Variants in TFEB observed in about 807,000 individuals in gnomAD.
TFEB encodes the protein T-cell transcription factor EB.
A neutral mutation model predicts 48.0 loss-of-function variants in TFEB; 12 were observed. That is an observed-to-expected ratio of 0.25 (90% CI 0.16 to 0.40). TFEB has a LOEUF of 0.40. TFEB is among the 10% of genes least tolerant of loss of function. The pLI is 1.00. For synonymous variants in TFEB, 244 were observed against 261.4 expected (o/e 0.93, Z 0.64); for missense variants, 509 against 640.3 (o/e 0.79, Z 2.21).
At chr6:41,685,109 C>T in intron 8 of TFEB, 31 bp from the exon 9 acceptor site, 1 of 1,420,778 alleles carries the variant, frequency 7.0e-7, no homozygotes, top group Non-Finnish European at 9.2e-7. Context: ...GGCTGGGGAA[C>T]ACACCTATGG....
chr6:41,700,626 G>T (rs1014235486), intron 1 of TFEB, among the ~76,000 whole-genome samples: 1 of 152,196 alleles, frequency 6.6e-6, no homozygotes, highest in Non-Finnish European at 1.5e-5. Context: ...GGAATGCGCT[G>T]CGGGAGACTG....
rs1053857033 is a variant in TFEB at position 41,735,588 on chromosome 6, G to A, written c.-261C>T. 1.1e-5 allele frequency: 11 copies of A among 982,972 alleles called. No individual in the cohort carries two copies. In the Admixed American group the frequency reaches 5.6e-4, roughly 50 times the overall value. The allele number at this position is 982,972 out of a possible 1,614,324, so 60.9% of individuals were successfully genotyped here. On this transcript the variant is annotated 5_prime_UTR_variant, in exon 1 of 9. Transcript: ENST00000373033. The stretch of plus-strand genomic sequence containing the variant: ...TCACCGAGCCCCGCGCCCGGCGCCC[G>A]GGCTCCGGCTGTCACTCCACGCACA...
In TFEB at chr6:41,723,461, C is replaced by T; in HGVS notation, c.-23+11889G>A. The T allele has an allele frequency of 7.8e-7, 1 of 1,288,614 alleles. No homozygotes were observed. The highest frequency in any genetic ancestry group is 1.0e-6 in the Non-Finnish European group (1 of 988,000). 79.8% of individuals were successfully genotyped at this position (1,288,614 alleles called of 1,614,324 possible). On this transcript the variant is annotated intron_variant, in intron 1 of 8. Transcript: ENST00000373033. This position sits in a 1 kb window ranked among gnomAD's most constrained non-coding sequence, Gnocchi z 6.0. ...CACATGCACGCGTGTGCTCTCATAC[C>T]TTCGAGAGGGCAGCCCCCTGGAAGG...
chr6:41,693,547 G>C (rs1449898991), intron 1 of TFEB, among the ~76,000 whole-genome samples: 3 of 152,080 alleles, frequency 2.0e-5, no homozygotes, highest in Admixed American at 2.0e-4. Flanking sequence ...CAGGCTGCCT[G>C]GCTGCCAGGC....
At chr6:41,731,427 C>G (rs776305607) in intron 1 of TFEB, among the ~76,000 whole-genome samples, 2 of 152,212 alleles carry the variant, frequency 1.3e-5, no homozygotes, top group Non-Finnish European at 2.9e-5. Context: ...TTAGCTAAAG[C>G]TCAATTCTGC....
Position 41,723,606 on chromosome 6 carries a change from A to G in TFEB, c.-23+11744T>C. 5 of 1,168,360 alleles carry G rather than the reference A, an allele frequency of 4.3e-6. No homozygotes were observed. Among genetic ancestry groups the G allele is most frequent in the Non-Finnish European group, 5.5e-6 (5 of 906,840 alleles). 72.4% of individuals were successfully genotyped at this position (1,168,360 alleles called of 1,614,324 possible). A position where few individuals can be genotyped will look rare whatever the true frequency, so the allele number is the denominator to read the frequency against. ...TGCTGTTTCTCACCCAGCCCCCTGC[A>G]CCTCAGCTGGAGAGGAAGTTGCACA... On this transcript the variant is annotated intron_variant, in intron 1 of 8. Coordinates refer to ENST00000373033, the MANE Select transcript of TFEB (RefSeq NM_001271944.2). This position sits in a 1 kb window ranked among gnomAD's most constrained non-coding sequence, Gnocchi z 6.0.
rs1771595087 is a variant in TFEB at position 41,734,646 on chromosome 6, G to C, written c.-23+704C>G. The stretch of plus-strand genomic sequence containing the variant: ...GCAGACAACGGGGCGCACGGAGGGA[G>C]CGCTCCGGGGTTGGTGTTCCCCAGG... On this transcript the variant is annotated intron_variant, in intron 1 of 8. Transcript: ENST00000373033. The surrounding 1 kb of genome is among the most constrained non-coding windows in gnomAD (Gnocchi z 4.0). 6.6e-6 allele frequency among the ~76,000 whole-genome samples: 1 copy of C among 151,776 alleles called. No homozygotes were observed. The highest frequency in any genetic ancestry group is 3.2e-3 in the Middle Eastern group (1 of 316).
chr6:41,704,059 TGCA>T (rs2127458327), intron 1 of TFEB, among the ~76,000 whole-genome samples: 1 of 152,196 alleles, frequency 6.6e-6, no homozygotes, highest in East Asian at 1.9e-4. Flanking sequence ...AGCAGGTGGG[TGCA>T]GGACACCAGC....
intron 1 of TFEB, among the ~76,000 whole-genome samples, chr6:41,718,031 T>C (rs562761508): frequency 3.9e-5 from 6 of 152,202 alleles, no homozygotes; most frequent in Admixed American, 6.5e-5. Flanking sequence ...AGAAAACCAT[T>C]TGGGGTTTTG....
chr6:41,685,939 A>T, intron 8 of TFEB, 151 bp downstream of exon 8: 1 of 1,060,380 alleles, frequency 9.4e-7, no homozygotes, highest in Non-Finnish European at 1.4e-6. Context: ...ATTGTTTGTT[A>T]CCAAAGCAAA....
intron 6 of TFEB, 116 bp from the exon 7 acceptor site, chr6:41,687,285 G>T: frequency 1.1e-6 from 1 of 894,526 alleles, no homozygotes; most frequent in South Asian, 1.4e-5. Context: ...CTTAGATTTA[G>T]TTCTTCCAGG....
Position 41,734,797 on chromosome 6 carries a change from A to T in TFEB, c.-23+553T>A. 1 of 712,470 alleles carries T rather than the reference A, an allele frequency of 1.4e-6. No individual in the cohort carries two copies. The highest frequency in any genetic ancestry group is 1.7e-6 in the Non-Finnish European group (1 of 581,376). The allele number at this position is 712,470 out of a possible 1,614,324, so 44.1% of individuals were successfully genotyped here. On this transcript the variant is annotated intron_variant, in intron 1 of 8. Transcript: ENST00000373033. The surrounding 1 kb of genome is among the most constrained non-coding windows in gnomAD (Gnocchi z 4.0). Reference sequence around the variant, plus strand: ...GAAGGGAGGGAGAGATGGTACTTCCACCCGCCCCCCCATCAGCCCAGCCCC... The same window carrying T: ...GAAGGGAGGGAGAGATGGTACTTCCTCCCGCCCCCCCATCAGCCCAGCCCC...
At chr6:41,690,170 G>A (rs1411160088) in intron 3 of TFEB, among the ~76,000 whole-genome samples, 8 of 149,536 alleles carry the variant, frequency 5.3e-5, no homozygotes, top group South Asian at 2.1e-4. Flanking sequence ...TCACTCTGTC[G>A]CCCAGGCTGA....
At chr6:41,692,263 A>AT (rs1769356411) in intron 1 of TFEB, among the ~76,000 whole-genome samples, 1 of 152,352 alleles carries the variant, frequency 6.6e-6, no homozygotes, top group South Asian at 2.1e-4. Flanking sequence ...TTTCACTGCT[A>AT]TACCATGGGA....
chr6:41,713,534 CTCTGA>C (rs1175109482), intron 1 of TFEB, among the ~76,000 whole-genome samples: 1 of 152,160 alleles, frequency 6.6e-6, no homozygotes, highest in Non-Finnish European at 1.5e-5. Context: ...CTCTAATTGT[CTCTGA>C]GAGGGTGTCA....
At chr6:41,700,199 G>A (rs992885992) in intron 1 of TFEB, among the ~76,000 whole-genome samples, 2 of 151,172 alleles carry the variant, frequency 1.3e-5, no homozygotes, top group African/African-American at 4.9e-5. Flanking sequence ...GGGCGCGGTG[G>A]CTCACGCCTG....
At chr6:41,686,425 C>T in intron 7 of TFEB, 188 bp from the exon 8 acceptor site, 3 of 609,302 alleles carry the variant, frequency 4.9e-6, no homozygotes, top group Non-Finnish European at 5.6e-6. Flanking sequence ...GTTGCCACTG[C>T]CCACTTCATT....
At chr6:41,686,042 CAGGTTA>C in intron 8 of TFEB, 42 bp downstream of exon 8, 2 of 1,611,280 alleles carry the variant, frequency 1.2e-6, no homozygotes, top group Non-Finnish European at 1.7e-6. Context: ...GGCCAGGAGC[CAGGTTA>C]AGGGTCAGAG....
At chr6:41,687,591 G>A (rs1769076098) in intron 6 of TFEB, 162 bp downstream of exon 6, 4 of 835,918 alleles carry the variant, frequency 4.8e-6, no homozygotes, top group Non-Finnish European at 7.9e-6. Flanking sequence ...ATAGTCCCAG[G>A]CACCACTGAG....
Sources: allele counts gnomAD v4.1 joint callset (sites outside exome capture counted in the v4.1 genomes callset), GRCh38; gene constraint gnomAD v4.1.1; non-coding constraint Gnocchi (gnomAD v3.1); transcripts MANE v1.5; gene names NCBI Gene and HGNC (gene_info 2026-07-23, HGNC 2026-07-21).